The following TP73 variants were observed in gnomAD, a reference collection of about 807,000 sequenced individuals.
TP73 encodes p53-like transcription factor.
Under a neutral mutation model 62.5 loss-of-function variants are expected in TP73, and 25 were observed. The ratio of observed to expected loss-of-function variants is 0.40; its 90% CI spans 0.29 to 0.56. TP73 has a LOEUF of 0.56. Among genes scored for constraint, TP73 ranks in the 20% least tolerant of loss-of-function variants. The pLI, the probability that TP73 is intolerant of heterozygous loss-of-function variation, is 0.46. For synonymous variants in TP73, 423 were observed against 377.5 expected (o/e 1.12, Z -1.40); for missense variants, 754 against 913.3 (o/e 0.83, Z 2.25).
chr1:3,707,716 C>A lies in TP73; in HGVS notation c.354C>A (p.Asn118Lys), dbSNP rs1284051162. 1.9e-6 allele frequency: 3 copies of A among 1,613,170 alleles called. No homozygotes were observed. The Admixed American group carries it at 5.0e-5, about 27-fold the overall frequency. Residue 118 changes from asparagine (N) to lysine (K), a missense_variant, in exon 4 of 14, where the codon AAC becomes AAA. Asn to Lys is a moderately conservative substitution (Grantham distance 94, BLOSUM62 0). Transcript: ENST00000378295. ...TMSPAPVIPS[N>K]TDYPGPHHFE... ...CGCCGGCGCCTGTCATCCCCTCCAA[C>A]ACCGACTACCCCGGACCCCACCACT...
chr1:3,727,613 G>T lies in TP73; in HGVS notation c.843-15G>T. 6.3e-7 allele frequency: 1 copy of T among 1,591,128 alleles called. No individual in the cohort carries two copies. ...CAGGGTTGAGCTCACAATTCTGGCT[G>T]TGCCCACCCGACAGTGGGCAGGTGC... On this transcript the variant is annotated splice_polypyrimidine_tract_variant and intron_variant, in intron 7 of 13. Transcript: ENST00000378295.
intron 4 of TP73, among the ~76,000 whole-genome samples, chr1:3,719,384 C>T (rs538855166): frequency 4.6e-5 from 7 of 152,346 alleles, no homozygotes; most frequent in East Asian, 3.9e-4. Flanking sequence ...CCTGGCGACA[C>T]GGCTGCCGGC....
intron 1 of TP73, among the ~76,000 whole-genome samples, chr1:3,656,670 A>C (rs925301865): frequency 3.3e-5 from 5 of 152,206 alleles, no homozygotes; most frequent in African/African-American, 1.2e-4. Context: ...TGGGGCTGCC[A>C]AACCATCCTT....
chr1:3,730,659 C>T (rs1392568375), intron 11 of TP73, among the ~76,000 whole-genome samples: 1 of 152,166 alleles, frequency 6.6e-6, no homozygotes, highest in Non-Finnish European at 1.5e-5. Context: ...GGGATGTGGC[C>T]AGCACTCCAG....
chr1:3,698,565 G>A (rs1001259429), intron 3 of TP73, among the ~76,000 whole-genome samples: 4 of 152,188 alleles, frequency 2.6e-5, no homozygotes, highest in South Asian at 2.1e-4. Flanking sequence ...AGCGGGATCC[G>A]GGAGGCAGGG....
chr1:3,731,704 T>C (rs6664760), intron 13 of TP73, 148 bp downstream of exon 13: 46,773 of 742,712 alleles, frequency 0.063, 2,981 homozygotes, highest in African/African-American at 0.24. Flanking sequence ...ATTTGACTCT[T>C]GAGAGCTTAG....
intron 1 of TP73, among the ~76,000 whole-genome samples, chr1:3,667,808 C>T (rs562379882): frequency 6.6e-6 from 1 of 152,170 alleles, no homozygotes; most frequent in Admixed American, 6.5e-5. Flanking sequence ...TAAACAAGGG[C>T]TTGCCCTGTA....
intron 1 of TP73, among the ~76,000 whole-genome samples, chr1:3,668,188 C>T (rs528340863): frequency 1.8e-4 from 27 of 152,280 alleles, no homozygotes; most frequent in African/African-American, 6.0e-4. Flanking sequence ...TCACTGCAGC[C>T]AAGGAACCCA....
At chr1:3,714,079 A>G (rs562640283) in intron 4 of TP73, 2 of 151,520 alleles carry the variant, frequency 1.3e-5, no homozygotes, top group Non-Finnish European at 2.9e-5. Flanking sequence ...GGGAGACACC[A>G]CTCTCTGCAG....
intron 13 of TP73, among the ~76,000 whole-genome samples, chr1:3,732,495 G>A (rs1380806504): frequency 6.6e-6 from 1 of 152,184 alleles, no homozygotes. Flanking sequence ...CCTGAGGCTG[G>A]GAGGCAGTTC....
At chr1:3,669,956 G>A (rs935171988) in intron 1 of TP73, among the ~76,000 whole-genome samples, 37 of 152,356 alleles carry the variant, frequency 2.4e-4, no homozygotes, top group African/African-American at 7.5e-4. Flanking sequence ...TGCTAGAGGT[G>A]AGAGGGTGGG....
rs1557589860 is a variant in TP73, at chr1:3,730,168, C to CGGGCCCACGGGCAGGGCGGGG, written c.1345+21_1345+41dup. On this transcript the variant is annotated intron_variant, in intron 11 of 13. Coordinates refer to ENST00000378295, the MANE Select transcript of TP73 (RefSeq NM_005427.4). The stretch of plus-strand genomic sequence containing the variant: ...CCGTGGGTGAGTCCCTTGGGCAGTG[C>CGGGCCCACGGGCAGGGCGGGG]GGGCCCACGGGCAGGGCGGGGAGGC... 6.6e-7 allele frequency: 1 copy of CGGGCCCACGGGCAGGGCGGGG among 1,510,884 alleles called. No homozygotes were observed. The highest frequency in any genetic ancestry group is 1.2e-5 in the South Asian group (1 of 80,654). The allele number at this position is 1,510,884 out of a possible 1,614,324, so 93.6% of individuals were successfully genotyped here.
intron 1 of TP73, among the ~76,000 whole-genome samples, chr1:3,656,124 T>C (rs6663736): frequency 0.39 from 58,001 of 150,238 alleles, 11,987 homozygotes; most frequent in East Asian, 0.6. Flanking sequence ...TGCAGTGAGC[T>C]GAGATCACGC....
chr1:3,733,073 C>T lies in TP73; in HGVS notation c.1905C>T (p.Ile635=), dbSNP rs1163432029. The T allele has an allele frequency of 5.2e-6, 8 of 1,531,302 alleles. No individual in the cohort carries two copies. The highest frequency in any genetic ancestry group is 6.1e-6 in the Non-Finnish European group (7 of 1,142,394). The allele number at this position is 1,531,302 out of a possible 1,614,324, so 94.9% of individuals were successfully genotyped here. A position where few individuals can be genotyped will look rare whatever the true frequency, so the allele number is the denominator to read the frequency against. The part of the protein sequence containing the change: ...PIKEEFTEAE[I]H ...AGGAGGAGTTCACGGAGGCCGAGAT[C>T]CACTGAGGGCCTCGCCTGGCTGCAG... Residue 635 remains isoleucine (I), a synonymous_variant, in exon 14 of 14, where the codon ATC becomes ATT. Transcript: ENST00000378295.
intron 3 of TP73, among the ~76,000 whole-genome samples, chr1:3,686,291 G>A (rs183067702): frequency 1.3e-5 from 2 of 152,364 alleles, no homozygotes; most frequent in East Asian, 1.9e-4. Flanking sequence ...ATTGGTTCCC[G>A]TTGGACACAG....
chr1:3,665,920 G>A (rs1161872918), intron 1 of TP73, among the ~76,000 whole-genome samples: 1 of 149,942 alleles, frequency 6.7e-6, no homozygotes, highest in African/African-American at 2.5e-5. Flanking sequence ...GGATCACCAG[G>A]TCAGGAGTTT....
rs568806352 is a variant in TP73, at chr1:3,666,729, G to A, written c.-34+14088G>A. ...GTCCCAGAAGCCCTTCAGCTCGGAA[G>A]TGAGTAAGCATTGGCGGTGGGGATG... On this transcript the variant is annotated intron_variant, in intron 1 of 13. Transcript: ENST00000378295. The surrounding 1 kb of genome is among the most constrained non-coding windows in gnomAD (Gnocchi z 6.4). 2.6e-5 allele frequency among the ~76,000 whole-genome samples: 4 copies of A among 152,338 alleles called. No individual in the cohort carries two copies. The highest frequency in any genetic ancestry group is 4.8e-5 in the African/African-American group (2 of 41,588).
intron 4 of TP73, among the ~76,000 whole-genome samples, chr1:3,711,880 G>A (rs1640180971): frequency 6.7e-6 from 1 of 148,430 alleles, no homozygotes; most frequent in Admixed American, 6.7e-5. Flanking sequence ...GCGAGCATGT[G>A]CACACATGTT....
At chr1:3,692,687 T>C (rs1328312753) in intron 3 of TP73, among the ~76,000 whole-genome samples, 1 of 152,240 alleles carries the variant, frequency 6.6e-6, no homozygotes, top group Non-Finnish European at 1.5e-5. Flanking sequence ...GAGAGGCCAG[T>C]GTCGCTGCCT....
Sources: allele counts gnomAD v4.1 joint callset (sites outside exome capture counted in the v4.1 genomes callset), GRCh38; gene constraint gnomAD v4.1.1; non-coding constraint Gnocchi (gnomAD v3.1); transcripts MANE v1.5; gene names NCBI Gene and HGNC (gene_info 2026-07-23, HGNC 2026-07-21).